ADGRB3: variants seen among roughly 807,000 people sequenced by gnomAD.
ADGRB3 encodes the protein brain-specific angiogenesis inhibitor 3.
A neutral mutation model predicts 193.4 loss-of-function variants in ADGRB3; 37 were observed. The observed-to-expected ratio is 0.19, with a 90% CI of 0.15 to 0.25. ADGRB3 has a LOEUF of 0.25. Ranked by LOEUF, ADGRB3 falls within the 10% of genes least tolerant of loss-of-function variation. The pLI is 1.00. For missense variants in ADGRB3, 1,637 were observed against 1,852.9 expected (o/e 0.88, Z 2.14); for synonymous variants, 690 against 644.2 (o/e 1.07, Z -1.08).
intron 3 of ADGRB3, among the ~76,000 whole-genome samples, chr6:68,837,233 G>A (rs12198700): frequency 0.13 from 20,481 of 152,070 alleles, 1,828 homozygotes; most frequent in Middle Eastern, 0.21. Flanking sequence ...ATTAAATCTG[G>A]GTTCATAAAC....
intron 17 of ADGRB3, among the ~76,000 whole-genome samples, chr6:69,097,837 C>T (rs1772927252): frequency 6.6e-6 from 1 of 151,974 alleles, no homozygotes; most frequent in Non-Finnish European, 1.5e-5. Flanking sequence ...AAATTATAGT[C>T]TTCCTTCAAG....
intron 3 of ADGRB3, among the ~76,000 whole-genome samples, chr6:68,767,002 G>A (rs751460000): frequency 4.0e-5 from 6 of 151,868 alleles, no homozygotes; most frequent in Admixed American, 2.0e-4. Context: ...AGTCATGGTC[G>A]TATTTTCTCA....
At chr6:68,994,919 A>C (rs1207352803) in intron 11 of ADGRB3, among the ~76,000 whole-genome samples, 1 of 152,136 alleles carries the variant, frequency 6.6e-6, no homozygotes, top group Non-Finnish European at 1.5e-5. Context: ...TATTGAAGGA[A>C]AGAGGAAAAC....
intron 20 of ADGRB3, among the ~76,000 whole-genome samples, chr6:69,284,818 C>CA (rs59457575): frequency 2.2e-3 from 305 of 141,078 alleles, no homozygotes; most frequent in African/African-American, 6.0e-3. Flanking sequence ...TTTGAGGGAA[C>CA]AAAAAAAAAA....
intron 26 of ADGRB3, among the ~76,000 whole-genome samples, 157 bp from the exon 27 acceptor site, chr6:69,354,076 T>G (rs1769284494): frequency 6.6e-6 from 1 of 151,926 alleles, no homozygotes; most frequent in African/African-American, 2.4e-5. Flanking sequence ...AAAATAATAG[T>G]AGTAATAATA....
intron 10 of ADGRB3, among the ~76,000 whole-genome samples, chr6:68,991,368 A>C (rs1204548206): frequency 1.3e-5 from 2 of 150,144 alleles, no homozygotes; most frequent in African/African-American, 4.8e-5. Flanking sequence ...TTAATGGCAC[A>C]GGCAGAAAAA....
intron 17 of ADGRB3, among the ~76,000 whole-genome samples, chr6:69,147,878 C>G (rs1003840865): frequency 6.6e-5 from 10 of 152,084 alleles, no homozygotes; most frequent in Non-Finnish European, 1.3e-4. Flanking sequence ...GAGTTGTACC[C>G]TTTATTATTA....
intron 3 of ADGRB3, among the ~76,000 whole-genome samples, chr6:68,704,536 T>C (rs1765293487): frequency 6.6e-6 from 1 of 152,202 alleles, no homozygotes; most frequent in Admixed American, 6.5e-5. Context: ...TTCTGATATT[T>C]TCCCCTTCTG....
intron 11 of ADGRB3, among the ~76,000 whole-genome samples, chr6:69,011,614 G>A (rs905466383): frequency 6.6e-6 from 1 of 151,890 alleles, no homozygotes; most frequent in African/African-American, 2.4e-5. Context: ...ACCTGCACAT[G>A]TATCCCCTGA....
chr6:68,802,176 A>G (rs1767323758), intron 3 of ADGRB3, among the ~76,000 whole-genome samples: 1 of 149,380 alleles, frequency 6.7e-6, no homozygotes, highest in Admixed American at 6.6e-5. Context: ...AAATAAATGC[A>G]CATATGCGTG....
At chr6:69,088,006 G>C (rs866219748) in intron 17 of ADGRB3, among the ~76,000 whole-genome samples, 2 of 152,256 alleles carry the variant, frequency 1.3e-5, no homozygotes, top group African/African-American at 2.4e-5. Context: ...ATTTTCTATA[G>C]TTTCAGGCAT....
At position 69,381,613 on chromosome 6, in the gene ADGRB3, GTCCTTT is replaced by G. The variant is rs1314680062; in HGVS notation, c.4276-1207_4276-1202del. Among the ~76,000 whole-genome samples the G allele has an allele frequency of 3.3e-5, 5 of 151,934 alleles. No individual in the cohort carries two copies. In the East Asian group the frequency reaches 9.7e-4, roughly 30 times the overall value. ...AAAGATTCAGTTGTTTTTGTCTTTT[GTCCTTT>G]TCCTTTTCCTCAAGGAGATAAAGTG... is the stretch of plus-strand genomic sequence containing the variant. On this transcript the variant is annotated intron_variant, in intron 30 of 31. Coordinates refer to ENST00000370598, the MANE Select transcript of ADGRB3 (RefSeq NM_001704.3).
At chr6:69,162,772 A>C (rs966353000) in intron 17 of ADGRB3, among the ~76,000 whole-genome samples, 5 of 152,136 alleles carry the variant, frequency 3.3e-5, no homozygotes, top group Non-Finnish European at 7.4e-5. Flanking sequence ...ATAGACTCAG[A>C]CATTACTTTA....
intron 17 of ADGRB3, among the ~76,000 whole-genome samples, chr6:69,136,299 C>CA (rs1436383228): frequency 7.2e-5 from 11 of 151,856 alleles, no homozygotes; most frequent in Non-Finnish European, 1.3e-4. Flanking sequence ...ATGCTGGCAC[C>CA]AAAAAATAAT....
intron 24 of ADGRB3, among the ~76,000 whole-genome samples, chr6:69,335,022 T>A (rs1339372918): frequency 6.6e-6 from 1 of 152,156 alleles, no homozygotes; most frequent in East Asian, 1.9e-4. Flanking sequence ...AGGTTGTTTT[T>A]GAAGGTCTCT....
At chr6:69,031,412 G>C (rs1194538034) in intron 13 of ADGRB3, among the ~76,000 whole-genome samples, 1 of 144,198 alleles carries the variant, frequency 6.9e-6, no homozygotes, top group East Asian at 2.0e-4. Flanking sequence ...CTGCACTCCA[G>C]CCTGGGCGAC....
chr6:69,165,618 T>G (rs1028965931), intron 17 of ADGRB3, among the ~76,000 whole-genome samples: 1 of 152,060 alleles, frequency 6.6e-6, no homozygotes, highest in African/African-American at 2.4e-5. Context: ...CAAACCCTAA[T>G]TAAAGTCATC....
At chr6:69,300,406 A>G (rs1356741410) in intron 20 of ADGRB3, among the ~76,000 whole-genome samples, 6 of 151,764 alleles carry the variant, frequency 4.0e-5, no homozygotes, top group Non-Finnish European at 7.4e-5. Flanking sequence ...AGATCATGAA[A>G]CAAACAAGTA....
intron 23 of ADGRB3, chr6:69,332,629 G>A: frequency 1.0e-6 from 1 of 985,448 alleles, no homozygotes; most frequent in Non-Finnish European, 1.2e-6. Flanking sequence ...AAGAATGCCA[G>A]ATTGGCATAG....
Sources: gnomAD v4.1 joint callset for allele counts (sites outside exome capture counted in the v4.1 genomes callset) on GRCh38, gnomAD v4.1.1 for gene constraint, MANE v1.5 for transcripts, NCBI Gene and HGNC (gene_info 2026-07-23, HGNC 2026-07-21) for gene names.